Variants in CHD6 observed in about 807,000 individuals in gnomAD.
The protein encoded by CHD6 is chromodomain helicase DNA binding protein 6.
A neutral mutation model predicts 276.9 loss-of-function variants in CHD6; 50 were observed. The observed-to-expected ratio is 0.18, with a 90% confidence interval of 0.14 to 0.23. CHD6 has a LOEUF of 0.23. Among genes scored for constraint, CHD6 ranks in the 10% least tolerant of loss-of-function variants. The pLI, the probability that CHD6 is intolerant of heterozygous loss-of-function variation, is 1.00. For missense variants in CHD6, 2,564 were observed against 3,365.8 expected (o/e 0.76, Z 5.89); for synonymous variants, 1,173 against 1,229.3 (o/e 0.95, Z 0.96).
chr20:41,412,046 G>GA, intron 36 of CHD6, 98 bp downstream of exon 36: 1 of 1,516,050 alleles, frequency 6.6e-7, no homozygotes, highest in Non-Finnish European at 8.9e-7. Context: ...GTCTCCCAGC[G>GA]AACCCCTTCC....
In CHD6 at chr20:41,405,271, G is replaced by T. The variant is rs1276104066; in HGVS notation, c.7470C>A (p.Ile2490=). The change falls in exon 37 of 37, where the codon ATC becomes ATA. Residue 2490 remains isoleucine (I), a synonymous_variant. Coordinates refer to ENST00000373233, the MANE Select transcript of CHD6 (RefSeq NM_032221.5). ...GAAACCCCACCAGCCCGGTGAGGGG[G>T]ATGCCTGGCATATTTCTCATGTTCT... is the stretch of plus-strand genomic sequence containing the variant. The part of the protein sequence containing the change: ...GLQNMRNMPG[I]PLTGLVGFPA... The T allele has an allele frequency of 1.9e-6, 3 of 1,614,164 alleles. No individual in the cohort carries two copies. In the South Asian group the frequency reaches 3.3e-5, roughly 18 times the overall value.
intron 26 of CHD6, 102 bp from the exon 27 acceptor site, chr20:41,437,436 TG>T (rs2047746724): frequency 1.4e-6 from 1 of 709,940 alleles, no homozygotes; most frequent in Admixed American, 2.7e-5. Context: ...TAAGATATTT[TG>T]GGGGAGAGAC....
chr20:41,508,844 G>A (rs1047442624), intron 5 of CHD6, among the ~76,000 whole-genome samples: 1 of 152,122 alleles, frequency 6.6e-6, no homozygotes, highest in African/African-American at 2.4e-5. Context: ...TAAGGAAATG[G>A]AGGAAACAAA....
At chr20:41,508,162 A>G (rs1298318999) in intron 5 of CHD6, among the ~76,000 whole-genome samples, 1 of 152,202 alleles carries the variant, frequency 6.6e-6, no homozygotes, top group Admixed American at 6.5e-5. Context: ...ATAAAAGAGG[A>G]CAGCAAAGAG....
chr20:41,529,128 T>C (rs1301087885), intron 3 of CHD6, among the ~76,000 whole-genome samples: 1 of 152,238 alleles, frequency 6.6e-6, no homozygotes, highest in Non-Finnish European at 1.5e-5. Context: ...ACTAGTTTTG[T>C]GCCTTGGACA....
rs780063202 is a variant in CHD6, at chr20:41,490,025, CAG to C, written c.1437-6_1437-5del. 2.6e-5 allele frequency: 42 copies of C among 1,612,022 alleles called. No homozygotes were observed. Among genetic ancestry groups the C allele is most frequent in the Non-Finnish European group, 3.4e-5 (40 of 1,178,386 alleles). The stretch of plus-strand genomic sequence containing the variant: ...ATCAGCCAAAATACAGTTTTTTCTG[CAG>C]AGAGTGAGAAATATAGGTAATTCAT... On this transcript the variant is annotated splice_region_variant and splice_polypyrimidine_tract_variant and intron_variant, in intron 11 of 36. Transcript: ENST00000373233.
intron 16 of CHD6, among the ~76,000 whole-genome samples, chr20:41,482,211 A>G (rs1357301936): frequency 6.6e-6 from 1 of 152,166 alleles, no homozygotes; most frequent in Non-Finnish European, 1.5e-5. Flanking sequence ...AGATAATATA[A>G]GAAGCAAATG....
chr20:41,473,019 T>G lies in CHD6; in HGVS notation c.2664+303A>C. The G allele has an allele frequency of 3.9e-6, 1 of 258,276 alleles. No individual in the cohort carries two copies. The highest frequency in any genetic ancestry group is 2.2e-5 in the African/African-American group (1 of 45,688). 16.0% of individuals were successfully genotyped at this position (258,276 alleles called of 1,614,324 possible). ...CGTCTACATATCAAGAATTAGAGCA[T>G]TAGTCAAGATTAGTATCTTTATTTC... On this transcript the variant is annotated intron_variant, in intron 17 of 36. Transcript: ENST00000373233. This position sits in a 1 kb window ranked among gnomAD's most constrained non-coding sequence, Gnocchi z 4.1.
At chr20:41,535,457 T>C (rs1344911251) in intron 2 of CHD6, among the ~76,000 whole-genome samples, 2 of 152,318 alleles carry the variant, frequency 1.3e-5, no homozygotes, top group East Asian at 1.9e-4. Flanking sequence ...GGATTTGAAC[T>C]TTCCATCTGG....
intron 16 of CHD6, among the ~76,000 whole-genome samples, chr20:41,474,814 T>C (rs1421072425): frequency 1.3e-5 from 2 of 152,164 alleles, no homozygotes; most frequent in Non-Finnish European, 2.9e-5. Context: ...GAAATGTACA[T>C]GAAGAAACCT....
chr20:41,504,542 TG>T (rs2043930511), intron 5 of CHD6, among the ~76,000 whole-genome samples: 1 of 151,796 alleles, frequency 6.6e-6, no homozygotes, highest in Non-Finnish European at 1.5e-5. Context: ...TGCAAGTAGC[TG>T]GGACTACAGG....
At chr20:41,498,775 A>ATGTG (rs1272501232) in intron 6 of CHD6, among the ~76,000 whole-genome samples, 26 of 138,486 alleles carry the variant, frequency 1.9e-4, no homozygotes, top group South Asian at 7.1e-4. Context: ...ATGGGTGTGT[A>ATGTG]TGTGTGTATG....
chr20:41,445,820 C>T (rs1244245387), intron 24 of CHD6, 52 bp from the exon 25 acceptor site: 1 of 1,165,748 alleles, frequency 8.6e-7, no homozygotes, highest in East Asian at 2.3e-5. Flanking sequence ...ACTGGTCCAA[C>T]CCTGGTATTA....
At chr20:41,416,854 C>A in intron 32 of CHD6, 60 bp from the exon 33 acceptor site, 2 of 1,372,876 alleles carry the variant, frequency 1.5e-6, no homozygotes, top group South Asian at 1.5e-5. Flanking sequence ...TCACAAAATC[C>A]TTTGAGATCA....
At chr20:41,476,139 G>A (rs1371308141) in intron 16 of CHD6, among the ~76,000 whole-genome samples, 3 of 152,140 alleles carry the variant, frequency 2.0e-5, no homozygotes. Context: ...GAGGCAAAGA[G>A]GCTCAAGAAC....
In CHD6 at chr20:41,557,492, T is replaced by C. The variant is rs540907720; in HGVS notation, c.-23-6132A>G. On this transcript the variant is annotated intron_variant, in intron 1 of 36. Coordinates refer to ENST00000373233, the MANE Select transcript of CHD6 (RefSeq NM_032221.5). ...CCTGTGCCATTTCCAAGTTCCTCAG[T>C]GTTGTGTAATAGTAACTTTTAAAAA... 9.9e-5 allele frequency among the ~76,000 whole-genome samples: 15 copies of C among 152,256 alleles called. No homozygotes were observed. In the East Asian group the frequency reaches 2.9e-3, roughly 29 times the overall value.
intron 31 of CHD6, among the ~76,000 whole-genome samples, chr20:41,418,156 G>T (rs774177453): frequency 6.6e-6 from 1 of 152,174 alleles, no homozygotes; most frequent in Non-Finnish European, 1.5e-5. Flanking sequence ...TGCTAGGCCT[G>T]GTAGACTCAG....
chr20:41,594,903 T>C (rs1430603088), intron 1 of CHD6, among the ~76,000 whole-genome samples: 3 of 152,226 alleles, frequency 2.0e-5, no homozygotes, highest in African/African-American at 7.2e-5. Flanking sequence ...GCTCAGTGTG[T>C]TCTTGTGATC....
chr20:41,550,817 G>A (rs1194020811), intron 2 of CHD6, among the ~76,000 whole-genome samples: 2 of 152,056 alleles, frequency 1.3e-5, no homozygotes, highest in Non-Finnish European at 2.9e-5. Flanking sequence ...CATCCCACAC[G>A]CCCTTCAAAA....
Sources: allele counts gnomAD v4.1 joint callset (sites outside exome capture counted in the v4.1 genomes callset), GRCh38; gene constraint gnomAD v4.1.1; non-coding constraint Gnocchi (gnomAD v3.1); transcripts MANE v1.5; gene names NCBI Gene and HGNC (gene_info 2026-07-23, HGNC 2026-07-21).